LOC728743: variants seen among roughly 807,000 people sequenced by gnomAD.
chr7:150,412,105 T>G, the LOC728743 span: 1 of 152,290 alleles, frequency 6.6e-6, no homozygotes, highest in African/African-American at 2.4e-5. Context: ...TCATTTCCTC[T>G]TGAGTCCTAC....
the LOC728743 span, among the ~76,000 whole-genome samples, chr7:150,407,392 C>A: frequency 6.6e-6 from 1 of 152,108 alleles, no homozygotes; most frequent in Non-Finnish European, 1.5e-5. Flanking sequence ...GAGTGTAGGC[C>A]GTGCTTAAAA....
the LOC728743 span, among the ~76,000 whole-genome samples, chr7:150,409,450 T>G: frequency 6.6e-6 from 1 of 152,194 alleles, no homozygotes; most frequent in Non-Finnish European, 1.5e-5. Flanking sequence ...GGACCTCTGG[T>G]TCCAAGCTGG....
the LOC728743 span, among the ~76,000 whole-genome samples, chr7:150,406,260 T>C: frequency 6.6e-6 from 1 of 151,940 alleles, no homozygotes; most frequent in African/African-American, 2.4e-5. Context: ...GGAGGTCCAG[T>C]GGAATATTCA....
chr7:150,410,129 C>T, the LOC728743 span: 1 of 398,762 alleles, frequency 2.5e-6, no homozygotes, highest in Non-Finnish European at 4.4e-6. Flanking sequence ...GGCTCCACAC[C>T]TGATCCTGAT....
chr7:150,404,119 G>A, the LOC728743 span, among the ~76,000 whole-genome samples: 1 of 152,236 alleles, frequency 6.6e-6, no homozygotes, highest in Non-Finnish European at 1.5e-5. Flanking sequence ...AAGGATCCCT[G>A]CCTGGGCCTT....
chr7:150,407,984 C>G, the LOC728743 span: 165 of 400,028 alleles, frequency 4.1e-4, no homozygotes, highest in African/African-American at 2.9e-3. Context: ...GAAGCCGCAC[C>G]AGTGCGCGCA....
At chr7:150,408,321 G>T in the LOC728743 span, 1 of 360,288 alleles carries the variant, frequency 2.8e-6, no homozygotes, top group Non-Finnish European at 5.0e-6. Context: ...CTCTAGATGG[G>T]ATCCCGGGAG....
At chr7:150,408,841 G>A in the LOC728743 span, among the ~76,000 whole-genome samples, 1 of 152,204 alleles carries the variant, frequency 6.6e-6, no homozygotes, top group African/African-American at 2.4e-5. Context: ...TGCAGCTACT[G>A]GATGAGAGAG....
the LOC728743 span, chr7:150,405,289 G>C: frequency 6.6e-6 from 1 of 152,292 alleles, no homozygotes; most frequent in Non-Finnish European, 1.5e-5. Flanking sequence ...CGCTGCAGCG[G>C]AGACGGAAGG....
At chr7:150,403,836 C>A in the LOC728743 span, among the ~76,000 whole-genome samples, 2 of 152,182 alleles carry the variant, frequency 1.3e-5, no homozygotes, top group African/African-American at 4.8e-5. The surrounding 1 kb of genome is among the most constrained non-coding windows in gnomAD (Gnocchi z 5.1). Context: ...AGGCCACAAG[C>A]CAGACGGGTG....
At chr7:150,401,248 G>A in the LOC728743 span, among the ~76,000 whole-genome samples, 3 of 152,090 alleles carry the variant, frequency 2.0e-5, no homozygotes, top group Middle Eastern at 3.2e-3. Context: ...TTTTTGGCAA[G>A]GGACACGAGC....
At chr7:150,410,435 A>G in the LOC728743 span, 1 of 373,150 alleles carries the variant, frequency 2.7e-6, no homozygotes, top group African/African-American at 2.1e-5. Flanking sequence ...CTGCCTGGCC[A>G]CAGGCCCCCA....
chr7:150,402,431 A>G, the LOC728743 span, among the ~76,000 whole-genome samples: 1 of 152,030 alleles, frequency 6.6e-6, no homozygotes, highest in African/African-American at 2.4e-5. Context: ...TCCTCCTCCA[A>G]ACCCTTGGGG....
the LOC728743 span, among the ~76,000 whole-genome samples, chr7:150,409,031 G>A: frequency 6.6e-6 from 1 of 152,130 alleles, no homozygotes; most frequent in Non-Finnish European, 1.5e-5. Context: ...GACCGAGGAG[G>A]GTGACTGGTT....
the LOC728743 span, chr7:150,407,562 G>GC: frequency 2.5e-6 from 1 of 397,306 alleles, no homozygotes; most frequent in African/African-American, 2.1e-5. Context: ...CCCCACCCCC[G>GC]CCCCCGCTTC....
chr7:150,402,446 T>C, the LOC728743 span, among the ~76,000 whole-genome samples: 21 of 152,234 alleles, frequency 1.4e-4, no homozygotes, highest in Non-Finnish European at 2.6e-4. Context: ...TTGGGGGCCA[T>C]CTTTTCTCTC....
chr7:150,407,593 A>G, the LOC728743 span: 8 of 398,372 alleles, frequency 2.0e-5, no homozygotes, highest in South Asian at 8.9e-4. Context: ...GGGACTGGTG[A>G]TTGCAGCTGG....
chr7:150,407,932 C>A, the LOC728743 span: 4 of 412,316 alleles, frequency 9.7e-6, no homozygotes, highest in Non-Finnish European at 1.7e-5. Flanking sequence ...GCTTCAGCCT[C>A]AAGCAGAACC....
chr7:150,406,740 G>A, the LOC728743 span, among the ~76,000 whole-genome samples: 2 of 152,154 alleles, frequency 1.3e-5, no homozygotes, highest in African/African-American at 4.8e-5. Context: ...CTGGGTTTGG[G>A]GGTGTTGGCT....
Sources: allele counts gnomAD v4.1 joint callset (sites outside exome capture counted in the v4.1 genomes callset), GRCh38; gene constraint gnomAD v4.1.1; non-coding constraint Gnocchi (gnomAD v3.1); transcripts MANE v1.5.